Variants in PTPRD observed in about 807,000 individuals in gnomAD.
The protein encoded by PTPRD is protein tyrosine phosphatase receptor type D.
In PTPRD, 34 loss-of-function variants were observed where a neutral mutation model predicts 214.5. The ratio of observed to expected loss-of-function variants is 0.16; its 90% CI spans 0.12 to 0.21. The LOEUF is 0.21. Among genes scored for constraint, PTPRD ranks in the 10% least tolerant of loss-of-function variants. PTPRD has a pLI of 1.00. For synonymous variants in PTPRD, 1,128 were observed against 845.7 expected (o/e 1.33, Z -5.79); for missense variants, 2,545 against 2,398.7 (o/e 1.06, Z -1.27).
chr9:9,590,909 T>C (rs2154327062), intron 7 of PTPRD, among the ~76,000 whole-genome samples: 1 of 152,104 alleles, frequency 6.6e-6, no homozygotes, highest in South Asian at 2.1e-4. Context: ...ATTATCGTGT[T>C]TTGGAGGAAC....
chr9:10,378,139 GATTTGC>G (rs1222108511), intron 2 of PTPRD, among the ~76,000 whole-genome samples: 3 of 151,982 alleles, frequency 2.0e-5, no homozygotes, highest in Non-Finnish European at 2.9e-5. Flanking sequence ...TTGCAGTTTT[GATTTGC>G]ATTTCTCTGA....
intron 5 of PTPRD, among the ~76,000 whole-genome samples, chr9:9,904,883 G>A (rs555013400): frequency 1.7e-4 from 26 of 151,970 alleles, no homozygotes; most frequent in Non-Finnish European, 3.7e-4. Context: ...ATAACGAAGT[G>A]GGGATTTAAT....
At chr9:10,163,656 T>G (rs2099142142) in intron 3 of PTPRD, among the ~76,000 whole-genome samples, 1 of 151,442 alleles carries the variant, frequency 6.6e-6, no homozygotes. Flanking sequence ...GGTAGGCAAG[T>G]TAGAACAACA....
At chr9:8,417,195 C>T (rs561784543) in intron 35 of PTPRD, among the ~76,000 whole-genome samples, 1 of 152,200 alleles carries the variant, frequency 6.6e-6, no homozygotes, top group South Asian at 2.1e-4. Context: ...TAGATTCTAA[C>T]ATGACTCCTA....
chr9:10,541,049 G>T (rs185262615), intron 2 of PTPRD, among the ~76,000 whole-genome samples: 1 of 152,112 alleles, frequency 6.6e-6, no homozygotes, highest in African/African-American at 2.4e-5. Context: ...ACATTGATAC[G>T]CACTACACAT....
intron 10 of PTPRD, among the ~76,000 whole-genome samples, chr9:9,155,488 C>A (rs1015668175): frequency 7.9e-5 from 12 of 151,964 alleles, no homozygotes; most frequent in Non-Finnish European, 1.2e-4. Context: ...ATATTGGTAA[C>A]CAGAATTATA....
At chr9:9,437,765 G>C (rs1256431618) in intron 8 of PTPRD, among the ~76,000 whole-genome samples, 2 of 152,108 alleles carry the variant, frequency 1.3e-5, no homozygotes, top group African/African-American at 4.8e-5. Flanking sequence ...CTGCTGCTCT[G>C]GGTTCAAATT....
chr9:8,901,561 T>C (rs562951068), intron 11 of PTPRD, among the ~76,000 whole-genome samples: 2 of 152,288 alleles, frequency 1.3e-5, no homozygotes, highest in South Asian at 4.1e-4. Flanking sequence ...GAAGTTTAAG[T>C]AACTTATCCA....
intron 2 of PTPRD, among the ~76,000 whole-genome samples, chr9:10,607,856 G>C (rs140547016): frequency 2.0e-5 from 3 of 151,878 alleles, no homozygotes; most frequent in African/African-American, 7.2e-5. Flanking sequence ...TTTTTTTAAA[G>C]TTAATGTATT....
At chr9:10,398,274 G>A (rs1054911356) in intron 2 of PTPRD, among the ~76,000 whole-genome samples, 5 of 151,564 alleles carry the variant, frequency 3.3e-5, no homozygotes, top group Admixed American at 2.6e-4. Context: ...CCAGCTACTC[G>A]GAACCTGAAT....
intron 3 of PTPRD, among the ~76,000 whole-genome samples, chr9:10,042,133 A>G (rs1012610834): frequency 6.6e-6 from 1 of 152,036 alleles, no homozygotes; most frequent in Admixed American, 6.6e-5. Context: ...TTTTCCAGAG[A>G]TTTAAACACT....
intron 6 of PTPRD, among the ~76,000 whole-genome samples, chr9:9,754,273 C>A (rs1195581810): frequency 2.0e-5 from 3 of 152,014 alleles, no homozygotes; most frequent in Non-Finnish European, 2.9e-5. Context: ...CCAGAGGGTA[C>A]AAATTCTTAC....
chr9:9,617,291 G>T (rs899233368), intron 7 of PTPRD, among the ~76,000 whole-genome samples: 16 of 152,098 alleles, frequency 1.1e-4, no homozygotes, highest in African/African-American at 3.9e-4. Context: ...AACTAATTCA[G>T]GTCCTCTGCA....
intron 4 of PTPRD, among the ~76,000 whole-genome samples, chr9:9,947,897 A>G (rs2092995547): frequency 6.6e-6 from 1 of 151,524 alleles, no homozygotes; most frequent in African/African-American, 2.4e-5. Context: ...AGAATGAATC[A>G]AGAAAGACAG....
intron 2 of PTPRD, among the ~76,000 whole-genome samples, chr9:10,437,605 T>C (rs191825849): frequency 8.6e-4 from 131 of 151,836 alleles, no homozygotes; most frequent in African/African-American, 3.0e-3. Context: ...TCACTGAATA[T>C]TGTCAATATT....
chr9:9,309,772 G>C (rs1055992383), intron 9 of PTPRD, among the ~76,000 whole-genome samples: 6 of 152,172 alleles, frequency 3.9e-5, no homozygotes, highest in East Asian at 1.9e-4. Flanking sequence ...ATCTTAGGTA[G>C]TAAGAATTTC....
intron 9 of PTPRD, among the ~76,000 whole-genome samples, chr9:9,311,954 T>C (rs1269206194): frequency 6.6e-6 from 1 of 152,210 alleles, no homozygotes; most frequent in Non-Finnish European, 1.5e-5. Flanking sequence ...GGTTTTAAGA[T>C]CCATTATAAA....
intron 3 of PTPRD, among the ~76,000 whole-genome samples, chr9:10,156,780 A>T (rs775842398): frequency 2.6e-5 from 4 of 152,160 alleles, no homozygotes; most frequent in African/African-American, 4.8e-5. Context: ...GTCTCTTGGA[A>T]AGTTTTTAAG....
intron 8 of PTPRD, among the ~76,000 whole-genome samples, chr9:9,400,467 T>A (rs893184813): frequency 6.6e-6 from 1 of 151,884 alleles, no homozygotes; most frequent in African/African-American, 2.4e-5. Context: ...TACAACATAT[T>A]TTCAATGACG....
Sources: gnomAD v4.1 joint callset for allele counts (sites outside exome capture counted in the v4.1 genomes callset) on GRCh38, gnomAD v4.1.1 for gene constraint, MANE v1.5 for transcripts, NCBI Gene and HGNC (gene_info 2026-07-23, HGNC 2026-07-21) for gene names.